GALNS: variants seen among roughly 807,000 people sequenced by gnomAD.
GALNS encodes galactosamine (N-acetyl)-6-sulfatase.
In GALNS, 65 loss-of-function variants were observed where a neutral mutation model predicts 65.9. The observed-to-expected ratio is 0.99, with a 90% confidence interval of 0.81 to 1.21. The LOEUF (loss-of-function observed/expected upper bound fraction) is 1.21. Among genes scored for constraint, GALNS ranks in the 50% most tolerant of loss-of-function variants. The pLI is 0.00. For missense variants in GALNS, 776 were observed against 700.7 expected, an observed-to-expected ratio of 1.11 and a Z score of -1.21; for synonymous variants, 346 against 288.9, an observed-to-expected ratio of 1.20 and a Z score of -2.00.
At chr16:88,850,675 G>A (rs1967466323) in intron 1 of GALNS, among the ~76,000 whole-genome samples, 1 of 152,222 alleles carries the variant, frequency 6.6e-6, no homozygotes, top group African/African-American at 2.4e-5. Context: ...GCGGGGCCGG[G>A]GAGACCAGCC....
intron 7 of GALNS, 38 bp from the exon 8 acceptor site, chr16:88,835,390 G>C (rs756615079): frequency 1.2e-6 from 2 of 1,612,234 alleles, no homozygotes; most frequent in Middle Eastern, 1.7e-4. Flanking sequence ...CATACCTGGA[G>C]GATGGTGACA....
chr16:88,855,838 GC>G lies in GALNS; in HGVS notation c.120+919del, dbSNP rs1434273053. ...TCTGAAGGCACCTGTCAGGGTCTCT[GC>G]TGGTCGGAGCCAGCACACAGGGGCT... On this transcript the variant is annotated intron_variant, in intron 1 of 13. Transcript: ENST00000268695. The G allele has an allele frequency of 3.0e-5, 15 of 502,654 alleles. No individual in the cohort carries two copies. The East Asian group carries it at 3.5e-4, about 12-fold the overall frequency. 31.1% of individuals were successfully genotyped at this position (502,654 alleles called of 1,614,324 possible). A position where few individuals can be genotyped will look rare whatever the true frequency, so the allele number is the denominator to read the frequency against.
chr16:88,834,690 G>T (rs1367024294), intron 8 of GALNS, among the ~76,000 whole-genome samples: 1 of 150,440 alleles, frequency 6.6e-6, no homozygotes, highest in Non-Finnish European at 1.5e-5. Context: ...CGCTGGGGAT[G>T]GGTCAGGCAT....
At chr16:88,820,922 C>T (rs2142991263) in intron 12 of GALNS, among the ~76,000 whole-genome samples, 1 of 152,280 alleles carries the variant, frequency 6.6e-6, no homozygotes, top group East Asian at 1.9e-4. Flanking sequence ...CCGTGGTCCC[C>T]CTGGGACGGC....
chr16:88,855,503 C>T (rs780633050), intron 1 of GALNS: 38 of 702,616 alleles, frequency 5.4e-5, no homozygotes, highest in Non-Finnish European at 9.4e-5. Context: ...CGCTGGAGAG[C>T]GTGCTCTGGA....
intron 1 of GALNS, chr16:88,854,988 C>A (rs148021604): frequency 8.9e-6 from 3 of 338,274 alleles, no homozygotes; most frequent in East Asian, 8.4e-5. Flanking sequence ...CACCCTCCCC[C>A]ACATGTGCCC....
rs894525161 is a variant in GALNS, at chr16:88,832,062, G to A, written c.938C>T (p.Thr313Met). The stretch of plus-strand genomic sequence containing the variant: ...AGGCTCCCTCATCCCTCCTTCAAAC[G>A]TGGTCTGCTTCCCACACAGAAAGGG... ...NGPFLCGKQT[T>M]FEGGMREPAL... Residue 313 changes from threonine (T) to methionine (M), a missense_variant, in exon 9 of 14, where the codon ACG becomes ATG. By Grantham distance (81) the Thr-to-Met change is moderately conservative. Coordinates refer to ENST00000268695, the MANE Select transcript of GALNS (RefSeq NM_000512.5). 6.2e-6 allele frequency: 10 copies of A among 1,613,888 alleles called. No individual in the cohort carries two copies. Among genetic ancestry groups the A allele is most frequent in the Admixed American group, 3.3e-5 (2 of 60,010 alleles).
At chr16:88,816,215 C>G in intron 13 of GALNS, 1 of 985,460 alleles carries the variant, frequency 1.0e-6, no homozygotes. Flanking sequence ...GCTGTGTGCG[C>G]CCACCTCCCC....
rs776721234 is a variant in GALNS, at chr16:88,835,306, G to GT, written c.804dup (p.Leu269ThrfsTer47). ...ACGTGCAGGTCTTGGAGGAGCTCCA[G>GT]TATCTTCCCAATGCTGTCATCAATC... On this transcript the variant is annotated frameshift_variant, in exon 8 of 14. Transcript: ENST00000268695. LOFTEE classifies it high-confidence loss of function. 1 of 1,613,670 alleles carries GT rather than the reference G, an allele frequency of 6.2e-7. No homozygotes were observed. Among genetic ancestry groups the GT allele is most frequent in the South Asian group, 1.1e-5 (1 of 90,868 alleles).
At chr16:88,815,717 T>C (rs547425490) in intron 13 of GALNS, 4 of 985,398 alleles carry the variant, frequency 4.1e-6, no homozygotes, top group East Asian at 1.1e-4. Flanking sequence ...CTAAGGACAG[T>C]CTCCAGCCCT....
intron 10 of GALNS, 51 bp from the exon 11 acceptor site, chr16:88,824,920 G>A: frequency 6.8e-7 from 1 of 1,473,342 alleles, no homozygotes; most frequent in Non-Finnish European, 9.5e-7. Context: ...ACACGCTGGG[G>A]CCACCTGGAG....
intron 1 of GALNS, 94 bp downstream of exon 1, chr16:88,856,664 C>G: frequency 2.5e-6 from 1 of 400,196 alleles, no homozygotes; most frequent in South Asian, 2.0e-5. Flanking sequence ...TCCCCCCACC[C>G]CGCCCGCCCT....
chr16:88,841,762 G>C, intron 3 of GALNS, 135 bp downstream of exon 3: 3 of 793,790 alleles, frequency 3.8e-6, no homozygotes, highest in Non-Finnish European at 6.4e-6. Flanking sequence ...TTCCACCTAA[G>C]TCCCAGAGAC....
At chr16:88,852,828 G>A (rs192487761) in intron 1 of GALNS, among the ~76,000 whole-genome samples, 8 of 152,310 alleles carry the variant, frequency 5.3e-5, no homozygotes, top group Admixed American at 1.3e-4. Context: ...GGTGATGGGC[G>A]GCTATAATCC....
In GALNS at chr16:88,848,656, G is replaced by T. The variant is rs112454016; in HGVS notation, c.121-5827C>A. Among the ~76,000 whole-genome samples, 548 of 152,300 alleles carry T rather than the reference G, an allele frequency of 3.6e-3. 1 individual carries two copies. Among genetic ancestry groups the T allele is most frequent in the African/African-American group, 0.012 (513 of 41,542 alleles). On this transcript the variant is annotated intron_variant, in intron 1 of 13. Coordinates refer to ENST00000268695, the MANE Select transcript of GALNS (RefSeq NM_000512.5). ...CCCTGACACTGCTGGGTCGGGGCCG[G>T]TGGGCGTTTGACTCGCTGGGTCCTG... is the stretch of plus-strand genomic sequence containing the variant.
chr16:88,856,505 A>C, intron 1 of GALNS: 1 of 697,364 alleles, frequency 1.4e-6, no homozygotes. Context: ...GCGTGTGGTG[A>C]TCGGTGACCG....
At chr16:88,855,259 G>A (rs1967746528) in intron 1 of GALNS, 1 of 699,958 alleles carries the variant, frequency 1.4e-6, no homozygotes, top group Non-Finnish European at 2.6e-6. Context: ...AGGAAAAGCA[G>A]AAACTTAACA....
intron 9 of GALNS, among the ~76,000 whole-genome samples, chr16:88,829,507 G>T (rs1212906690): frequency 6.6e-6 from 1 of 152,230 alleles, no homozygotes; most frequent in Non-Finnish European, 1.5e-5. Flanking sequence ...GGTGGCCCAG[G>T]AGTCCCATGT....
At chr16:88,832,212 A>G (rs1911582425) in intron 8 of GALNS, 111 bp from the exon 9 acceptor site, 1 of 982,376 alleles carries the variant, frequency 1.0e-6, no homozygotes, top group East Asian at 2.6e-5. Context: ...GGCCCGGCCA[A>G]GGCACTCTGG....
Sources: allele counts gnomAD v4.1 joint callset (sites outside exome capture counted in the v4.1 genomes callset), GRCh38; gene constraint gnomAD v4.1.1; transcripts MANE v1.5; gene names NCBI Gene and HGNC (gene_info 2026-07-23, HGNC 2026-07-21).